The following EBF3 variants were observed in gnomAD, a reference collection of about 807,000 sequenced individuals.
EBF3 encodes the protein EBF transcription factor 3, also known as transcription factor COE3.
A neutral mutation model predicts 77.1 loss-of-function variants in EBF3; 18 were observed. The ratio of observed to expected loss-of-function variants is 0.23; its 90% CI spans 0.16 to 0.35. EBF3 has a LOEUF of 0.35. Ranked by LOEUF, EBF3 falls within the 10% of genes least tolerant of loss-of-function variation. EBF3 has a pLI of 1.00. For missense variants in EBF3, 558 were observed against 860.0 expected (o/e 0.65, Z 4.39); for synonymous variants, 350 against 343.5 (o/e 1.02, Z -0.21).
rs781280207 is a variant in EBF3 at position 129,914,662 on chromosome 10, G to A, written c.555-36813C>T. ...CACGGGCACAGAAGACCCACTGTGC[G>A]GCCGGTCCATCTGAAAGCACGGGGC... On this transcript the variant is annotated intron_variant, in intron 6 of 16. Coordinates refer to ENST00000440978, the MANE Select transcript of EBF3 (RefSeq NM_001375380.1). Among the ~76,000 whole-genome samples the A allele has an allele frequency of 7.2e-5, 11 of 152,138 alleles. 1 individual carries two copies. The highest frequency in any genetic ancestry group is 2.6e-4 in the Admixed American group (4 of 15,288).
chr10:129,889,204 A>G (rs1853833487), intron 6 of EBF3, among the ~76,000 whole-genome samples: 1 of 152,226 alleles, frequency 6.6e-6, no homozygotes, highest in Non-Finnish European at 1.5e-5. Context: ...TGCCCTGCAG[A>G]GAAGACCCCA....
intron 11 of EBF3, chr10:129,845,953 A>G (rs1434907280): frequency 5.8e-5 from 7 of 120,654 alleles, no homozygotes; most frequent in Admixed American, 5.2e-4. Context: ...TTTTTTTACT[A>G]TAACATGTCT....
chr10:129,897,374 A>G lies in EBF3; in HGVS notation c.555-19525T>C, dbSNP rs75112551. On this transcript the variant is annotated intron_variant, in intron 6 of 16. Coordinates refer to ENST00000440978, the MANE Select transcript of EBF3 (RefSeq NM_001375380.1). The surrounding 1 kb of genome is among the most constrained non-coding windows in gnomAD (Gnocchi z 4.6). ...GTGGCCCCAGGACCTTTGTGGAACC[A>G]GAGCAGAGCCCAGCGGTGCCACCCA... Among the ~76,000 whole-genome samples, 1 of 152,176 alleles carries G rather than the reference A, an allele frequency of 6.6e-6. No individual in the cohort carries two copies. The highest frequency in any genetic ancestry group is 1.5e-5 in the Non-Finnish European group (1 of 68,030).
At chr10:129,940,821 C>T (rs1857679972) in intron 6 of EBF3, among the ~76,000 whole-genome samples, 1 of 152,148 alleles carries the variant, frequency 6.6e-6, no homozygotes, top group African/African-American at 2.4e-5. Flanking sequence ...AGGCAGAGGG[C>T]ACCGCCCACC....
At chr10:129,962,270 G>A (rs1348984540) in intron 3 of EBF3, 44 bp from the exon 4 acceptor site, 1 of 1,599,336 alleles carries the variant, frequency 6.3e-7, no homozygotes. Flanking sequence ...TTTGAGTGCT[G>A]CACCTCGGGG....
chr10:129,867,082 C>A, intron 10 of EBF3, 59 bp downstream of exon 10: 3 of 1,578,394 alleles, frequency 1.9e-6, no homozygotes. Context: ...TCATGAGCAC[C>A]TCCTGGTGGG....
At chr10:129,908,023 AT>A (rs1349189579) in intron 6 of EBF3, among the ~76,000 whole-genome samples, 1 of 152,194 alleles carries the variant, frequency 6.6e-6, no homozygotes, top group African/African-American at 2.4e-5. Context: ...CAGCTACCTC[AT>A]TCTTCTCCTG....
At chr10:129,858,146 G>T (rs189365793) in intron 10 of EBF3, among the ~76,000 whole-genome samples, 1 of 152,312 alleles carries the variant, frequency 6.6e-6, no homozygotes, top group East Asian at 1.9e-4. Flanking sequence ...CAGTCCTTGG[G>T]GTTGTACATA....
chr10:129,916,045 T>C (rs1279760247), intron 6 of EBF3, among the ~76,000 whole-genome samples: 1 of 152,094 alleles, frequency 6.6e-6, no homozygotes, highest in Non-Finnish European at 1.5e-5. Flanking sequence ...TTCAATGGGG[T>C]CCCACAGGGG....
At chr10:129,939,723 G>T (rs753483159) in intron 6 of EBF3, among the ~76,000 whole-genome samples, 1 of 152,200 alleles carries the variant, frequency 6.6e-6, no homozygotes, top group African/African-American at 2.4e-5. Context: ...AATGGAGTTA[G>T]AATTCCCACG....
intron 10 of EBF3, among the ~76,000 whole-genome samples, chr10:129,854,088 A>G (rs1851081971): frequency 6.8e-6 from 1 of 146,618 alleles, no homozygotes; most frequent in Non-Finnish European, 1.5e-5. Context: ...CCCCCACCAG[A>G]GCGCCTTCAT....
chr10:129,864,305 G>A lies in EBF3; in HGVS notation c.1039+2836C>T, dbSNP rs540258783. 2.0e-5 allele frequency among the ~76,000 whole-genome samples: 3 copies of A among 152,224 alleles called. No homozygotes were observed. Among genetic ancestry groups the A allele is most frequent in the East Asian group, 1.9e-4 (1 of 5,160 alleles). On this transcript the variant is annotated intron_variant, in intron 10 of 16. Coordinates refer to ENST00000440978, the MANE Select transcript of EBF3 (RefSeq NM_001375380.1). The surrounding 1 kb of genome is among the most constrained non-coding windows in gnomAD (Gnocchi z 4.4). ...AATTGGGGGGACGCTGACATCACAG[G>A]CTCCGCCACACCATGTGATACCTGC...
At chr10:129,920,377 C>A (rs1360395527) in intron 6 of EBF3, among the ~76,000 whole-genome samples, 2 of 151,792 alleles carry the variant, frequency 1.3e-5, no homozygotes, top group Non-Finnish European at 2.9e-5. Context: ...GGGCGAATAT[C>A]TGCAGGAGGG....
chr10:129,912,213 G>A (rs969919497), intron 6 of EBF3, among the ~76,000 whole-genome samples: 2 of 152,174 alleles, frequency 1.3e-5, no homozygotes, highest in Non-Finnish European at 2.9e-5. Flanking sequence ...CAAGGTAGAG[G>A]GAGAGGCAAG....
rs140982148 is a variant in EBF3 at position 129,922,283 on chromosome 10, C to T, written c.554+34975G>A. Among the ~76,000 whole-genome samples the T allele has an allele frequency of 1.1e-3, 172 of 152,288 alleles. 2 individuals carry two copies. Among genetic ancestry groups the T allele is most frequent in the African/African-American group, 3.9e-3 (164 of 41,548 alleles). On this transcript the variant is annotated intron_variant, in intron 6 of 16. Transcript: ENST00000440978. Reference sequence around the variant, plus strand: ...GGCCCTGCCCAGAGTGGGATGCATCCCCCCAGCCAAGGAACAGAGGATGGA... The same window carrying T: ...GGCCCTGCCCAGAGTGGGATGCATCTCCCCAGCCAAGGAACAGAGGATGGA...
At chr10:129,936,123 T>C (rs1857341753) in intron 6 of EBF3, among the ~76,000 whole-genome samples, 1 of 152,202 alleles carries the variant, frequency 6.6e-6, no homozygotes, top group Non-Finnish European at 1.5e-5. Context: ...AGAATTCCAT[T>C]TATGGAATGA....
In EBF3 at chr10:129,841,094, G is replaced by T; in HGVS notation, c.1373-62C>A. 6.3e-7 allele frequency: 1 copy of T among 1,580,680 alleles called. No homozygotes were observed. The highest frequency in any genetic ancestry group is 8.6e-7 in the Non-Finnish European group (1 of 1,163,824). ...TTATCAGCGACAGACACTTGGGGGG[G>T]GTTCCCCGAGAATCTATATCATATA... On this transcript the variant is annotated intron_variant, in intron 13 of 16. Transcript: ENST00000440978. This position sits in a 1 kb window ranked among gnomAD's most constrained non-coding sequence, Gnocchi z 4.6.
rs546347983 is a variant in EBF3, at chr10:129,935,988, C to A, written c.554+21270G>T. Among the ~76,000 whole-genome samples, 8 of 138,236 alleles carry A rather than the reference C, an allele frequency of 5.8e-5. No individual in the cohort carries two copies. Among genetic ancestry groups the A allele is most frequent in the African/African-American group, 2.0e-4 (6 of 29,442 alleles). 90.7% of individuals were successfully genotyped at this position (138,236 alleles called of 152,430 possible). A position where few individuals can be genotyped will look rare whatever the true frequency, so the allele number is the denominator to read the frequency against. On this transcript the variant is annotated intron_variant, in intron 6 of 16. Transcript: ENST00000440978. The surrounding 1 kb of genome is among the most constrained non-coding windows in gnomAD (Gnocchi z 4.2). ...GGGCTTCCTGAAGCTGCCCCCCCCG[C>A]CCAACAATGCAGCTGGTGCCCAGGG...
At chr10:129,918,306 C>G (rs1856030256) in intron 6 of EBF3, among the ~76,000 whole-genome samples, 1 of 152,230 alleles carries the variant, frequency 6.6e-6, no homozygotes. Context: ...GACCCCACTT[C>G]TGTCTCATTC....
Sources: gnomAD v4.1 joint callset for allele counts (sites outside exome capture counted in the v4.1 genomes callset) on GRCh38, gnomAD v4.1.1 for gene constraint, Gnocchi (gnomAD v3.1) non-coding constraint, MANE v1.5 for transcripts, NCBI Gene and HGNC (gene_info 2026-07-23, HGNC 2026-07-21) for gene names.